TOX: variants seen among roughly 807,000 people sequenced by gnomAD.
TOX encodes the protein thymocyte selection-associated high mobility group box protein TOX.
TOX carries 11 observed loss-of-function variants against 53.7 expected under a neutral mutation model. The ratio of observed to expected loss-of-function variants is 0.20; its 90% confidence interval spans 0.13 to 0.34. TOX has a LOEUF of 0.34. Among genes scored for constraint, TOX ranks in the 10% least tolerant of loss-of-function variants. The pLI is 1.00. For missense variants in TOX, 570 were observed against 664.6 expected (o/e 0.86, Z 1.56); for synonymous variants, 225 against 245.3 (o/e 0.92, Z 0.77).
chr8:58,932,988 C>G (rs1416965581), intron 3 of TOX, among the ~76,000 whole-genome samples: 1 of 152,082 alleles, frequency 6.6e-6, no homozygotes, highest in Non-Finnish European at 1.5e-5. Context: ...CATCTTTTTT[C>G]CATTTCAAAC....
rs571749777 is a variant in TOX, at chr8:59,087,887, T to G, written c.102+30999A>C. 1.9e-3 allele frequency among the ~76,000 whole-genome samples: 294 copies of G among 152,244 alleles called. 1 individual carries two copies. Among genetic ancestry groups the G allele is most frequent in the Non-Finnish European group, 2.7e-3 (186 of 68,012 alleles). ...TTATGTTTCACAAGAAAAGGTGGAG[T>G]GCTCACCTACCAGATGAAGGTGAAA... On this transcript the variant is annotated intron_variant, in intron 1 of 8. Coordinates refer to ENST00000361421, the MANE Select transcript of TOX (RefSeq NM_014729.3).
intron 1 of TOX, among the ~76,000 whole-genome samples, chr8:59,115,299 A>C (rs1287403396): frequency 6.6e-6 from 1 of 152,230 alleles, no homozygotes; most frequent in Admixed American, 6.5e-5. Context: ...ATAACTGAAC[A>C]CATCACATCG....
At chr8:58,832,843 G>T (rs1810485202) in intron 5 of TOX, among the ~76,000 whole-genome samples, 1 of 152,128 alleles carries the variant, frequency 6.6e-6, no homozygotes, top group African/African-American at 2.4e-5. Context: ...AAATACTGAG[G>T]AATAAAATAA....
At chr8:58,829,300 C>G (rs1810414745) in intron 5 of TOX, among the ~76,000 whole-genome samples, 1 of 152,162 alleles carries the variant, frequency 6.6e-6, no homozygotes, top group South Asian at 2.1e-4. Context: ...ATAGATGCCC[C>G]TGGTTTCCCT....
At chr8:58,977,534 T>C (rs1813123850) in intron 1 of TOX, among the ~76,000 whole-genome samples, 1 of 152,254 alleles carries the variant, frequency 6.6e-6, no homozygotes, top group Non-Finnish European at 1.5e-5. Flanking sequence ...ATTCACAACC[T>C]GGCTGTTTGG....
At chr8:59,104,413 G>A (rs1033460706) in intron 1 of TOX, among the ~76,000 whole-genome samples, 7 of 152,142 alleles carry the variant, frequency 4.6e-5, no homozygotes, top group African/African-American at 1.2e-4. Flanking sequence ...CCCTCCATGC[G>A]TTGCCTCGTT....
At chr8:58,998,527 A>AAACT (rs1256370779) in intron 1 of TOX, among the ~76,000 whole-genome samples, 12 of 40,220 alleles carry the variant, frequency 3.0e-4, no homozygotes, top group South Asian at 7.4e-4. Context: ...ATATATATAT[A>AAACT]TATATATATA....
intron 3 of TOX, among the ~76,000 whole-genome samples, chr8:58,915,162 C>T (rs1327092450): frequency 6.6e-6 from 1 of 151,732 alleles, no homozygotes; most frequent in Non-Finnish European, 1.5e-5. Context: ...CTTAGGTAAA[C>T]AAAGCAGCGG....
At chr8:58,983,544 C>A (rs184554242) in intron 1 of TOX, among the ~76,000 whole-genome samples, 11 of 152,206 alleles carry the variant, frequency 7.2e-5, no homozygotes, top group African/African-American at 1.9e-4. Flanking sequence ...TATTGCCAAA[C>A]TTATACACAT....
At chr8:59,090,444 A>G (rs1742020628) in intron 1 of TOX, among the ~76,000 whole-genome samples, 1 of 152,192 alleles carries the variant, frequency 6.6e-6, no homozygotes, top group Non-Finnish European at 1.5e-5. Flanking sequence ...GGTATCCTTT[A>G]TGTATTTCTA....
chr8:58,970,836 C>A (rs1278553760), intron 1 of TOX, among the ~76,000 whole-genome samples: 1 of 152,198 alleles, frequency 6.6e-6, no homozygotes, highest in East Asian at 1.9e-4. Context: ...AGAGATCTCA[C>A]CATTCCATTA....
intron 1 of TOX, among the ~76,000 whole-genome samples, chr8:59,094,547 T>C (rs1804681244): frequency 6.6e-6 from 1 of 151,478 alleles, no homozygotes; most frequent in Non-Finnish European, 1.5e-5. Flanking sequence ...TTTTGAAAGA[T>C]TTAGAATAAT....
intron 4 of TOX, among the ~76,000 whole-genome samples, chr8:58,849,523 C>G (rs1810772774): frequency 6.6e-6 from 1 of 152,092 alleles, no homozygotes; most frequent in African/African-American, 2.4e-5. Flanking sequence ...AGCAAAATTA[C>G]AAAATATGGA....
intron 1 of TOX, among the ~76,000 whole-genome samples, chr8:59,027,574 T>C (rs919622811): frequency 6.6e-6 from 1 of 152,190 alleles, no homozygotes; most frequent in African/African-American, 2.4e-5. Flanking sequence ...TAAAACATTC[T>C]TGATTTGTTG....
chr8:58,942,744 CA>C (rs1479483893), intron 2 of TOX, among the ~76,000 whole-genome samples: 1 of 152,102 alleles, frequency 6.6e-6, no homozygotes, highest in Non-Finnish European at 1.5e-5. Flanking sequence ...AGACAATTTG[CA>C]GTTTTGGGGG....
intron 1 of TOX, among the ~76,000 whole-genome samples, chr8:59,021,481 A>AAAAAAATATATATATAT (rs59174995): frequency 3.1e-5 from 2 of 64,740 alleles, no homozygotes; most frequent in East Asian, 4.5e-4. Context: ...AAAAAAAAAA[A>AAAAAAATATATATATAT]ATATATATAT....
At chr8:59,067,678 C>T (rs1036356302) in intron 1 of TOX, among the ~76,000 whole-genome samples, 19 of 152,052 alleles carry the variant, frequency 1.2e-4, no homozygotes, top group Non-Finnish European at 2.6e-4. Flanking sequence ...TAGGATATTG[C>T]TCCAAGGATC....
intron 1 of TOX, among the ~76,000 whole-genome samples, chr8:59,080,027 G>A (rs1185561952): frequency 4.0e-5 from 6 of 150,986 alleles, no homozygotes; most frequent in African/African-American, 1.2e-4. Context: ...CTGTCGCCCA[G>A]GCTGGAGTGC....
At chr8:58,984,816 A>G (rs1044350652) in intron 1 of TOX, among the ~76,000 whole-genome samples, 3 of 151,298 alleles carry the variant, frequency 2.0e-5, no homozygotes, top group African/African-American at 7.3e-5. Context: ...ATTGACTAAA[A>G]AAATCCCAGA....
Sources: gnomAD v4.1 joint callset for allele counts (sites outside exome capture counted in the v4.1 genomes callset) on GRCh38, gnomAD v4.1.1 for gene constraint, MANE v1.5 for transcripts, NCBI Gene and HGNC (gene_info 2026-07-23, HGNC 2026-07-21) for gene names.